The following WEE1 variants were observed in gnomAD, a reference collection of about 807,000 sequenced individuals.
WEE1 encodes the protein wee1-like protein kinase.
Under a neutral mutation model 68.8 loss-of-function variants are expected in WEE1, and 16 were observed. That is an observed-to-expected ratio of 0.23 (90% CI 0.16 to 0.35). The LOEUF is 0.35. Among genes scored for constraint, WEE1 ranks in the 10% least tolerant of loss-of-function variants. WEE1 has a pLI of 1.00. For missense variants in WEE1, 651 were observed against 824.1 expected, an observed-to-expected ratio of 0.79 and a Z score of 2.57; for synonymous variants, 349 against 318.7, an observed-to-expected ratio of 1.09 and a Z score of -1.01.
intron 8 of WEE1, 34 bp downstream of exon 8, chr11:9,585,561 T>A: frequency 6.7e-7 from 1 of 1,484,810 alleles, no homozygotes; most frequent in Non-Finnish European, 9.1e-7. Flanking sequence ...ATAGTTTGCT[T>A]TGTAACACTT....
In WEE1 at chr11:9,588,552, C is replaced by T. The variant is rs756401440; in HGVS notation, c.1891C>T (p.Arg631Ter). ...CACCACCCAGAGTAATAGAACATCT[C>T]GACTTATTGGAAAGAAAATGAACCG... is the stretch of plus-strand genomic sequence containing the variant. ...RSTTQSNRTS[R>*]LIGKKMNRSV... The change falls in exon 11 of 11, where the codon CGA becomes TGA. Residue 631 changes from arginine (R) to a stop codon, truncating the protein, a stop_gained. Transcript: ENST00000450114. LOFTEE classifies it high-confidence loss of function. 3 of 1,610,770 alleles carry T rather than the reference C, an allele frequency of 1.9e-6. No individual in the cohort carries two copies. Among genetic ancestry groups the T allele is most frequent in the African/African-American group, 1.3e-5 (1 of 74,690 alleles).
intron 5 of WEE1, chr11:9,580,529 T>C (rs3870635): frequency 0.42 from 61,695 of 146,182 alleles, 13,303 homozygotes; most frequent in East Asian, 0.63. Flanking sequence ...AATGGCCCGA[T>C]ATCGGCTCAC....
intron 5 of WEE1, chr11:9,577,749 A>G (rs1195518842): frequency 5.4e-6 from 2 of 372,768 alleles, no homozygotes; most frequent in Non-Finnish European, 5.3e-6. Context: ...TATCCAACCT[A>G]GTCTACCCTA....
intron 5 of WEE1, 132 bp from the exon 6 acceptor site, chr11:9,581,400 G>T (rs1044076463): frequency 1.0e-5 from 8 of 791,368 alleles, no homozygotes; most frequent in African/African-American, 1.8e-5. Context: ...TCACAAGCAG[G>T]TTGAAGGGAG....
intron 8 of WEE1, 135 bp downstream of exon 8, chr11:9,585,662 C>A: frequency 1.4e-6 from 1 of 737,906 alleles, no homozygotes; most frequent in Non-Finnish European, 2.0e-6. Flanking sequence ...CATCTGAGGG[C>A]ATTTAATAAG....
intron 10 of WEE1, among the ~76,000 whole-genome samples, chr11:9,587,793 CAATT>C (rs1296422120): frequency 2.0e-5 from 3 of 152,014 alleles, no homozygotes; most frequent in African/African-American, 7.2e-5. Context: ...GTTATGTTAA[CAATT>C]AATATTAACA....
At chr11:9,580,609 C>T (rs1849616790) in intron 5 of WEE1, 1 of 151,938 alleles carries the variant, frequency 6.6e-6, no homozygotes, top group African/African-American at 2.4e-5. Context: ...AGGTGCACGC[C>T]ACCACACCCA....
At chr11:9,583,800 C>CATATATATAT (rs1422896964) in intron 6 of WEE1, among the ~76,000 whole-genome samples, 1 of 18,172 alleles carries the variant, frequency 5.5e-5, no homozygotes, top group Admixed American at 5.1e-4. Flanking sequence ...CACACACACA[C>CATATATATAT]ACATATATAT....
At position 9,573,751 on chromosome 11, in the gene WEE1, C is replaced by A. The variant is rs1849530186; in HGVS notation, c.-183C>A. The A allele has an allele frequency of 3.5e-6, 1 of 289,650 alleles. No homozygotes were observed. Among genetic ancestry groups the A allele is most frequent in the Non-Finnish European group, 5.6e-6 (1 of 179,486 alleles). The allele number at this position is 289,650 out of a possible 1,614,324, so 17.9% of individuals were successfully genotyped here. A position where few individuals can be genotyped will look rare whatever the true frequency, so the allele number is the denominator to read the frequency against. On this transcript the variant is annotated 5_prime_UTR_variant, in exon 1 of 11. Coordinates refer to ENST00000450114, the MANE Select transcript of WEE1 (RefSeq NM_003390.4). ...CCCGCCTCTGCCGGAAAGTCCGCGC[C>A]GCCGCTGCCGCCACCGTCCGCAGCC...
At chr11:9,586,966 G>T (rs1402605874) in intron 10 of WEE1, 110 bp downstream of exon 10, 1 of 1,310,660 alleles carries the variant, frequency 7.6e-7, no homozygotes. Flanking sequence ...GTGGTTTTTT[G>T]TGTTTTTTGT....
intron 5 of WEE1, chr11:9,577,552 C>G: frequency 2.7e-6 from 1 of 371,380 alleles, no homozygotes; most frequent in East Asian, 6.2e-5. Flanking sequence ...TCCGTAGTAC[C>G]TAGCGTAGTG....
At chr11:9,583,752 CA>C in intron 6 of WEE1, among the ~76,000 whole-genome samples, 1 of 14,666 alleles carries the variant, frequency 6.8e-5, no homozygotes, top group Non-Finnish European at 1.2e-4. Flanking sequence ...TGTGTGCGTG[CA>C]CGCGCGCGCA....
intron 5 of WEE1, chr11:9,578,253 TTAAA>T (rs1460019416): frequency 1.2e-5 from 2 of 172,352 alleles, no homozygotes; most frequent in African/African-American, 2.4e-5. Context: ...TTATTATTCC[TTAAA>T]TAAACAAGAC....
intron 8 of WEE1, among the ~76,000 whole-genome samples, chr11:9,585,965 C>A (rs1279231040): frequency 6.6e-6 from 1 of 152,080 alleles, no homozygotes; most frequent in Non-Finnish European, 1.5e-5. Context: ...CCTATAGTTT[C>A]AAAAGAGTGT....
chr11:9,581,757 A>T, intron 6 of WEE1, 79 bp downstream of exon 6: 2 of 1,369,626 alleles, frequency 1.5e-6, no homozygotes, highest in Non-Finnish European at 2.0e-6. Flanking sequence ...ACATTGAAAA[A>T]ATATATATCT....
chr11:9,581,815 A>G (rs1206660011), intron 6 of WEE1, 137 bp downstream of exon 6: 7 of 848,534 alleles, frequency 8.2e-6, no homozygotes, highest in South Asian at 4.2e-5. Flanking sequence ...CCACTTACCA[A>G]TATTGTTTTA....
Position 9,589,774 on chromosome 11 carries a change from TG to T in WEE1, c.*1173del, listed in dbSNP as rs1169287858. 1 of 902,298 alleles carries T rather than the reference TG, an allele frequency of 1.1e-6. No individual in the cohort carries two copies. Among genetic ancestry groups the T allele is most frequent in the African/African-American group, 1.8e-5 (1 of 55,578 alleles). 55.9% of individuals were successfully genotyped at this position (902,298 alleles called of 1,614,324 possible). ...CTTACCTTAATTGTCTAAATCCTTG[TG>T]ATGCCTGTTTTCTAATATTTTATCT... On this transcript the variant is annotated 3_prime_UTR_variant, in exon 11 of 11. Transcript: ENST00000450114.
At chr11:9,578,106 G>A (rs4910480) in intron 5 of WEE1, 62,807 of 328,416 alleles carry the variant, frequency 0.19, 7,413 homozygotes, top group Non-Finnish European at 0.26. Flanking sequence ...ACCTTGTTAC[G>A]ACATCAGCAC....
At position 9,574,408 on chromosome 11, in the gene WEE1, G is replaced by T; in HGVS notation, c.475G>T (p.Ala159Ser). 8.2e-7 allele frequency: 1 copy of T among 1,214,018 alleles called. No homozygotes were observed. Among genetic ancestry groups the T allele is most frequent in the Non-Finnish European group, 1.0e-6 (1 of 980,990 alleles). The allele number at this position is 1,214,018 out of a possible 1,614,324, so 75.2% of individuals were successfully genotyped here. Reference sequence around the variant, plus strand: ...GCCGCGGGGTTGCGGGGCGCGCCGGGCGGGCGAAGGCCGCCGCTCGCCGCG... The same window carrying T: ...GCCGCGGGGTTGCGGGGCGCGCCGGTCGGGCGAAGGCCGCCGCTCGCCGCG... ...ASPRGCGARR[A>S]GEGRRSPRPD... The change falls in exon 1 of 11, where the codon GCG becomes TCG. Residue 159 changes from alanine (A) to serine (S), a missense_variant. By Grantham distance (99) the Ala-to-Ser change is moderately conservative. This residue lies in a region of WEE1 where 395 missense variants were observed against 378.4 expected (regional missense o/e 1.04). Coordinates refer to ENST00000450114, the MANE Select transcript of WEE1 (RefSeq NM_003390.4). This position sits in a 1 kb window ranked among gnomAD's most constrained non-coding sequence, Gnocchi z 4.9.
Sources: allele counts gnomAD v4.1 joint callset (sites outside exome capture counted in the v4.1 genomes callset), GRCh38; gene constraint gnomAD v4.1.1; regional missense constraint gnomAD v4.1.1; non-coding constraint Gnocchi (gnomAD v3.1); transcripts MANE v1.5; gene names NCBI Gene and HGNC (gene_info 2026-07-23, HGNC 2026-07-21).